Variants in RYR2 observed in about 807,000 individuals in gnomAD.
The protein encoded by RYR2 is cardiac muscle ryanodine receptor-calcium release channel.
A neutral mutation model predicts 601.1 loss-of-function variants in RYR2; 227 were observed. The ratio of observed to expected loss-of-function variants is 0.38; its 90% CI spans 0.34 to 0.42. The LOEUF is 0.42. RYR2 is among the 10% of genes least tolerant of loss of function. RYR2 has a pLI of 1.00. For missense variants in RYR2, 4,646 were observed against 6,156.5 expected (o/e 0.75, Z 8.21); for synonymous variants, 2,223 against 2,175.1 (o/e 1.02, Z -0.61).
At chr1:237,137,154 TG>T (rs371663047) in intron 1 of RYR2, among the ~76,000 whole-genome samples, 40 of 151,842 alleles carry the variant, frequency 2.6e-4, no homozygotes, top group African/African-American at 7.7e-4. Context: ...TCCAGTAACA[TG>T]ATTTGTGTGT....
chr1:237,505,436 C>T (rs868057996), intron 22 of RYR2, among the ~76,000 whole-genome samples: 6 of 152,182 alleles, frequency 3.9e-5, no homozygotes, highest in African/African-American at 1.2e-4. Flanking sequence ...GCTTCAGTTG[C>T]TTAGCAATCA....
Position 237,831,514 on chromosome 1 carries a change from GT to G in RYR2, c.14763del (p.Leu4922Ter). The G allele has an allele frequency of 6.5e-7, 1 of 1,540,874 alleles. No homozygotes were observed. The highest frequency in any genetic ancestry group is 9.0e-7 in the Non-Finnish European group (1 of 1,116,752). ...CTGATCAGTTTCTCTGTATCTGTAG[GT>G]TTTTTCTGATGTATCTTATAAACAA... The part of the protein sequence containing the change: ...LQEHNLANYL[F>X]FLMYLINKDE... On this transcript the variant is annotated frameshift_variant and splice_region_variant, in exon 104 of 105. Coordinates refer to ENST00000366574, the MANE Select transcript of RYR2 (RefSeq NM_001035.3). LOFTEE classifies it high-confidence loss of function.
At chr1:237,771,912 CA>C in intron 85 of RYR2, 99 bp from the exon 86 acceptor site, 1 of 689,520 alleles carries the variant, frequency 1.5e-6, no homozygotes, top group South Asian at 1.6e-5. Flanking sequence ...CACTAACCCA[CA>C]ATGATTTTGC....
chr1:237,441,503 C>CT lies in RYR2; in HGVS notation c.1170+20_1170+21insT. ...CGTAAGGTAAGGTGATAGAAAAAAACATAATTTATAGAAGTAATTTTTTAT... is the reference window on the plus strand; with the variant it reads ...CGTAAGGTAAGGTGATAGAAAAAAACTATAATTTATAGAAGTAATTTTTTAT... On this transcript the variant is annotated intron_variant, in intron 13 of 104. Coordinates refer to ENST00000366574, the MANE Select transcript of RYR2 (RefSeq NM_001035.3). 1 of 1,440,320 alleles carries CT rather than the reference C, an allele frequency of 6.9e-7. No homozygotes were observed. Among genetic ancestry groups the CT allele is most frequent in the Non-Finnish European group, 9.2e-7 (1 of 1,089,134 alleles). The allele number at this position is 1,440,320 out of a possible 1,614,324, so 89.2% of individuals were successfully genotyped here.
chr1:237,210,190 A>G (rs1682415369), intron 1 of RYR2, among the ~76,000 whole-genome samples: 1 of 151,726 alleles, frequency 6.6e-6, no homozygotes, highest in Admixed American at 6.6e-5. Context: ...TTTTTATATC[A>G]TTAGCATTTT....
At chr1:237,407,141 C>T (rs963389135) in intron 10 of RYR2, among the ~76,000 whole-genome samples, 1 of 152,198 alleles carries the variant, frequency 6.6e-6, no homozygotes, top group Non-Finnish European at 1.5e-5. Context: ...TATGGCCCCT[C>T]TATATCTTTT....
intron 17 of RYR2, among the ~76,000 whole-genome samples, chr1:237,475,167 T>G (rs957203787): frequency 2.6e-5 from 4 of 152,204 alleles, no homozygotes; most frequent in African/African-American, 9.6e-5. Context: ...TCAGAGAAAT[T>G]CAATAAGTGA....
Position 237,506,698 on chromosome 1 carries a change from T to C in RYR2, c.2614-12T>C, listed in dbSNP as rs928458049. The C allele has an allele frequency of 1.6e-5, 25 of 1,598,388 alleles. No homozygotes were observed. The Middle Eastern group carries it at 1.3e-3, about 85-fold the overall frequency. On this transcript the variant is annotated splice_polypyrimidine_tract_variant and intron_variant, in intron 22 of 104. Coordinates refer to ENST00000366574, the MANE Select transcript of RYR2 (RefSeq NM_001035.3). ...GTTTCTGATGTGTCTTTTTTCTTTTTGTAAATTTTAGATCGTGTTGCCTCC... is the reference window on the plus strand; with the variant it reads ...GTTTCTGATGTGTCTTTTTTCTTTTCGTAAATTTTAGATCGTGTTGCCTCC...
At chr1:237,376,302 TA>T (rs1041076113) in intron 7 of RYR2, among the ~76,000 whole-genome samples, 3 of 152,190 alleles carry the variant, frequency 2.0e-5, no homozygotes, top group African/African-American at 7.2e-5. Context: ...TAAGAATACT[TA>T]CAAAATATTG....
chr1:237,530,988 A>G (rs761881688), intron 25 of RYR2, among the ~76,000 whole-genome samples: 2 of 152,210 alleles, frequency 1.3e-5, no homozygotes, highest in Non-Finnish European at 2.9e-5. Flanking sequence ...TGGTGAAACA[A>G]TAGTTTCTAT....
At chr1:237,167,708 CTTTTTTTTTTTTT>C (rs11288225) in intron 1 of RYR2, among the ~76,000 whole-genome samples, 2 of 101,112 alleles carry the variant, frequency 2.0e-5, no homozygotes, top group Non-Finnish European at 3.8e-5. Context: ...GATCCACCTC[CTTTTTTTTTTTTT>C]TTTTTTTTTT....
intron 96 of RYR2, among the ~76,000 whole-genome samples, chr1:237,795,870 A>G (rs1197721757): frequency 7.4e-6 from 1 of 134,640 alleles, no homozygotes; most frequent in Non-Finnish European, 1.6e-5. Flanking sequence ...ATATATATAT[A>G]TATACACATA....
chr1:237,813,571 CCTCA>C (rs984255202), intron 100 of RYR2, among the ~76,000 whole-genome samples: 2 of 152,166 alleles, frequency 1.3e-5, no homozygotes, highest in African/African-American at 2.4e-5. Flanking sequence ...ACATTTTGAA[CCTCA>C]CTCTCAGTAT....
chr1:237,818,949 T>C (rs944297953), intron 100 of RYR2, 87 bp from the exon 101 acceptor site: 15 of 1,184,476 alleles, frequency 1.3e-5, no homozygotes, highest in Non-Finnish European at 1.8e-5. Flanking sequence ...AGAGTGAGGA[T>C]TAGGAACTAC....
At chr1:237,426,949 G>A (rs1364733042) in intron 12 of RYR2, among the ~76,000 whole-genome samples, 1 of 152,194 alleles carries the variant, frequency 6.6e-6, no homozygotes, top group East Asian at 1.9e-4. Context: ...AAAAGAGGAA[G>A]AGTGAAAGGT....
intron 2 of RYR2, among the ~76,000 whole-genome samples, chr1:237,313,301 G>A (rs989925564): frequency 6.6e-6 from 1 of 152,136 alleles, no homozygotes; most frequent in African/African-American, 2.4e-5. Flanking sequence ...TGCCTTATAT[G>A]ACAAAAGGGA....
intron 1 of RYR2, among the ~76,000 whole-genome samples, chr1:237,255,745 G>A (rs1176680234): frequency 6.6e-6 from 1 of 151,974 alleles, no homozygotes; most frequent in Non-Finnish European, 1.5e-5. Flanking sequence ...GACTATATCA[G>A]TTCTTCTGTG....
At chr1:237,043,234 C>A (rs557025647) in intron 1 of RYR2, among the ~76,000 whole-genome samples, 1 of 152,080 alleles carries the variant, frequency 6.6e-6, no homozygotes, top group African/African-American at 2.4e-5. Context: ...TGGTGCCATC[C>A]GTGGTGGTGC....
chr1:237,308,768 A>T, intron 2 of RYR2, among the ~76,000 whole-genome samples: 1 of 152,234 alleles, frequency 6.6e-6, no homozygotes, highest in East Asian at 1.9e-4. Context: ...CAAAGCTTCT[A>T]CACCGTGGAA....
Sources: gnomAD v4.1 joint callset for allele counts (sites outside exome capture counted in the v4.1 genomes callset) on GRCh38, gnomAD v4.1.1 for gene constraint, MANE v1.5 for transcripts, NCBI Gene and HGNC (gene_info 2026-07-23, HGNC 2026-07-21) for gene names.